The following VPS41 variants were observed in gnomAD, a reference collection of about 807,000 sequenced individuals.
VPS41 encodes VPS41 subunit of HOPS complex.
Under a neutral mutation model 130.9 loss-of-function variants are expected in VPS41, and 85 were observed. The ratio of observed to expected loss-of-function variants is 0.65; its 90% confidence interval spans 0.55 to 0.78. VPS41 has a LOEUF of 0.78. Ranked by LOEUF, VPS41 falls within the 30% of genes least tolerant of loss-of-function variation. VPS41 has a pLI of 0.00. For synonymous variants in VPS41, 335 were observed against 332.9 expected, an observed-to-expected ratio of 1.01 and a Z score of -0.07; for missense variants, 874 against 1,018.7, an observed-to-expected ratio of 0.86 and a Z score of 1.93.
intron 4 of VPS41, among the ~76,000 whole-genome samples, chr7:38,860,325 T>C (rs140917968): frequency 2.2e-4 from 33 of 152,316 alleles, no homozygotes; most frequent in Admixed American, 5.2e-4. Context: ...GTACAACTTA[T>C]ATAGAATAAA....
intron 7 of VPS41, 134 bp from the exon 8 acceptor site, chr7:38,796,998 C>T: frequency 1.0e-6 from 1 of 958,694 alleles, no homozygotes; most frequent in African/African-American, 1.6e-5. Context: ...TGTAGACTTA[C>T]AGTAGTATGT....
Position 38,726,317 on chromosome 7 carries a change from C to G in VPS41, c.2494G>C (p.Ala832Pro). The change falls in exon 29 of 29, where the codon GCA becomes CCA. Residue 832 changes from alanine to proline, a missense_variant. Coordinates refer to ENST00000310301, the MANE Select transcript of VPS41 (RefSeq NM_014396.4). ...CLPMPSMNSAAQFCNICSAKN... is the reference protein window; with the variant it reads ...CLPMPSMNSAPQFCNICSAKN... ...GCACTGCAGATGTTGCAGAACTGTG[C>G]AGCAGAGTTCTAAAAATGCAATTTA... 1 of 1,612,170 alleles carries G rather than the reference C, an allele frequency of 6.2e-7. No homozygotes were observed. Among genetic ancestry groups the G allele is most frequent in the Non-Finnish European group, 8.5e-7 (1 of 1,178,792 alleles).
At chr7:38,903,105 T>C (rs758149840) in intron 1 of VPS41, among the ~76,000 whole-genome samples, 1 of 152,204 alleles carries the variant, frequency 6.6e-6, no homozygotes, top group Non-Finnish European at 1.5e-5. Context: ...ATGTCTGAAT[T>C]ATTAGCTTAT....
intron 12 of VPS41, 100 bp downstream of exon 12, chr7:38,774,015 T>C (rs528877104): frequency 1.6e-6 from 2 of 1,225,554 alleles, no homozygotes; most frequent in Admixed American, 2.1e-5. Flanking sequence ...TCTCTTAAGA[T>C]TCTTTCAGCA....
At chr7:38,826,176 C>T (rs766731496) in intron 5 of VPS41, among the ~76,000 whole-genome samples, 7 of 152,066 alleles carry the variant, frequency 4.6e-5, no homozygotes, top group East Asian at 1.9e-4. Flanking sequence ...CATTTAGTTA[C>T]GGGAAACTGA....
chr7:38,882,907 C>A (rs1016310356), intron 2 of VPS41, among the ~76,000 whole-genome samples: 22 of 152,182 alleles, frequency 1.4e-4, no homozygotes, highest in African/African-American at 5.3e-4. Flanking sequence ...AGTGATCCTA[C>A]TAAAACAAAG....
rs1795534171 is a variant in VPS41 at position 38,726,084 on chromosome 7, A to G, written c.*162T>C. On this transcript the variant is annotated 3_prime_UTR_variant, in exon 29 of 29. Transcript: ENST00000310301. ...GAGCCCCAAATTCTCTGTGAACTGC[A>G]AAGAGAAACCATTAGTACAGGAATA... The G allele has an allele frequency of 1.7e-6, 1 of 589,220 alleles. No individual in the cohort carries two copies. The highest frequency in any genetic ancestry group is 1.9e-5 in the African/African-American group (1 of 53,680). 36.5% of individuals were successfully genotyped at this position (589,220 alleles called of 1,614,324 possible). A position where few individuals can be genotyped will look rare whatever the true frequency, so the allele number is the denominator to read the frequency against.
rs540124076 is a variant in VPS41 at position 38,796,079 on chromosome 7, G to C, written c.571-468C>G. On this transcript the variant is annotated intron_variant, in intron 8 of 28. Coordinates refer to ENST00000310301, the MANE Select transcript of VPS41 (RefSeq NM_014396.4). ...ACTAAAAATGAACCAAGAGACCACA[G>C]CTTTGTTTTACCTTCATCGTGACCC... Among the ~76,000 whole-genome samples, 3 of 152,278 alleles carry C rather than the reference G, an allele frequency of 2.0e-5. No homozygotes were observed. The South Asian group carries it at 6.2e-4, about 32-fold the overall frequency.
intron 10 of VPS41, among the ~76,000 whole-genome samples, chr7:38,785,373 T>A (rs1308165994): frequency 1.3e-5 from 2 of 152,112 alleles, no homozygotes; most frequent in African/African-American, 4.8e-5. Context: ...ATGGACAAAA[T>A]AACAAAAACA....
intron 4 of VPS41, among the ~76,000 whole-genome samples, chr7:38,853,280 A>G (rs1785898571): frequency 6.6e-6 from 1 of 152,030 alleles, no homozygotes; most frequent in Admixed American, 6.6e-5. Context: ...TTAGCTGGGC[A>G]TGGTGGCTGG....
chr7:38,739,284 T>C (rs188505748), intron 25 of VPS41, among the ~76,000 whole-genome samples: 62 of 152,308 alleles, frequency 4.1e-4, no homozygotes, highest in African/African-American at 1.4e-3. Context: ...TTCCTGGAAA[T>C]TGATGAACAT....
At chr7:38,842,041 T>C (rs1160503408) in intron 4 of VPS41, among the ~76,000 whole-genome samples, 1 of 152,230 alleles carries the variant, frequency 6.6e-6, no homozygotes, top group Non-Finnish European at 1.5e-5. Flanking sequence ...TCTACAGCTC[T>C]GTGTCAAATT....
In VPS41 at chr7:38,811,481, C is replaced by T. The variant is rs1053022186; in HGVS notation, c.450+6336G>A. Among the ~76,000 whole-genome samples, 13 of 152,060 alleles carry T rather than the reference C, an allele frequency of 8.5e-5. No individual in the cohort carries two copies. The East Asian group carries it at 2.5e-3, about 29-fold the overall frequency. On this transcript the variant is annotated intron_variant, in intron 7 of 28. Transcript: ENST00000310301. ...GTTACAAGTCATTAAATTGCGGACACAGTTACATGTTTCTAAAGCCTTTAA... is the reference window on the plus strand; with the variant it reads ...GTTACAAGTCATTAAATTGCGGACATAGTTACATGTTTCTAAAGCCTTTAA...
At chr7:38,844,234 C>T (rs1231705326) in intron 4 of VPS41, among the ~76,000 whole-genome samples, 1 of 152,230 alleles carries the variant, frequency 6.6e-6, no homozygotes, top group Non-Finnish European at 1.5e-5. Flanking sequence ...TTCAAACTAG[C>T]TGCAGTGCTT....
At chr7:38,793,649 C>T (rs1784573384) in intron 9 of VPS41, among the ~76,000 whole-genome samples, 1 of 152,118 alleles carries the variant, frequency 6.6e-6, no homozygotes, top group South Asian at 2.1e-4. Context: ...CCGCAGGCTA[C>T]AAGTCTGAAA....
At chr7:38,796,179 C>T (rs756359798) in intron 8 of VPS41, among the ~76,000 whole-genome samples, 2 of 152,090 alleles carry the variant, frequency 1.3e-5, no homozygotes, top group Non-Finnish European at 2.9e-5. Flanking sequence ...TGAATAGAAC[C>T]GATTTACTAA....
Position 38,752,447 on chromosome 7 carries a change from G to A in VPS41, c.1789-134C>T, listed in dbSNP as rs1783696217. 4 of 1,040,270 alleles carry A rather than the reference G, an allele frequency of 3.8e-6. No individual in the cohort carries two copies. The African/African-American group carries it at 4.9e-5, about 13-fold the overall frequency. The allele number at this position is 1,040,270 out of a possible 1,614,324, so 64.4% of individuals were successfully genotyped here. On this transcript the variant is annotated intron_variant, in intron 21 of 28. Transcript: ENST00000310301. Reference sequence around the variant, plus strand: ...AAGCAGTCTTCAGGGAAAACCTCTAGGTGATGGAGAAGTGGAAAGGAAAAC... The same window carrying A: ...AAGCAGTCTTCAGGGAAAACCTCTAAGTGATGGAGAAGTGGAAAGGAAAAC...
intron 1 of VPS41, among the ~76,000 whole-genome samples, chr7:38,903,001 T>C (rs910770307): frequency 5.9e-5 from 9 of 151,516 alleles, no homozygotes; most frequent in African/African-American, 4.8e-5. Context: ...CTGGTGATGA[T>C]GATGAGACAA....
intron 4 of VPS41, among the ~76,000 whole-genome samples, chr7:38,843,272 G>C (rs1785649523): frequency 6.6e-6 from 1 of 152,192 alleles, no homozygotes; most frequent in Non-Finnish European, 1.5e-5. Flanking sequence ...CTGATGAAGA[G>C]CTGACAGTCC....
Sources: allele counts gnomAD v4.1 joint callset (sites outside exome capture counted in the v4.1 genomes callset), GRCh38; gene constraint gnomAD v4.1.1; transcripts MANE v1.5; gene names NCBI Gene and HGNC (gene_info 2026-07-23, HGNC 2026-07-21).